Variants in FOXO1 observed in about 807,000 individuals in gnomAD.
The protein encoded by FOXO1 is forkhead box O1.
Under a neutral mutation model 44.1 loss-of-function variants are expected in FOXO1, and 6 were observed. That is an observed-to-expected ratio of 0.14 (90% CI 0.07 to 0.27). The LOEUF (loss-of-function observed/expected upper bound fraction) is 0.27, where lower values mean the gene tolerates loss of function less well. FOXO1 is among the 10% of genes least tolerant of loss of function. The pLI is 1.00. For missense variants in FOXO1, 737 were observed against 888.8 expected, an observed-to-expected ratio of 0.83 and a Z score of 2.17; for synonymous variants, 380 against 362.7, an observed-to-expected ratio of 1.05 and a Z score of -0.54.
intron 1 of FOXO1, among the ~76,000 whole-genome samples, chr13:40,652,870 C>A (rs1388504837): frequency 6.6e-6 from 1 of 152,268 alleles, no homozygotes; most frequent in East Asian, 1.9e-4. Context: ...GGTTATTTTG[C>A]TTTCAAGCTT....
chr13:40,619,636 A>C, intron 1 of FOXO1: 2 of 1,546,824 alleles, frequency 1.3e-6, no homozygotes. Flanking sequence ...TAGGCGAACA[A>C]GAAGCCAAAC....
intron 1 of FOXO1, among the ~76,000 whole-genome samples, chr13:40,579,620 A>AG (rs1236506249): frequency 6.6e-6 from 1 of 151,308 alleles, no homozygotes; most frequent in Non-Finnish European, 1.5e-5. Flanking sequence ...TGAAAAAAAA[A>AG]GGGGGCGGGG....
chr13:40,614,618 G>A (rs923939863), intron 1 of FOXO1, among the ~76,000 whole-genome samples: 2 of 152,204 alleles, frequency 1.3e-5, no homozygotes, highest in Non-Finnish European at 2.9e-5. Context: ...TGGCCCTGCA[G>A]AGAAGAAAGC....
chr13:40,590,345 A>C (rs1875322484), intron 1 of FOXO1, among the ~76,000 whole-genome samples: 1 of 152,224 alleles, frequency 6.6e-6, no homozygotes, highest in South Asian at 2.1e-4. Context: ...TGCCGCAAAC[A>C]GAAACCTTCT....
At chr13:40,559,348 ACT>A (rs1479582337) in intron 2 of FOXO1, among the ~76,000 whole-genome samples, 159 bp downstream of exon 2, 1 of 152,212 alleles carries the variant, frequency 6.6e-6, no homozygotes, top group Non-Finnish European at 1.5e-5. Context: ...CAGAAGGAAA[ACT>A]GTAAGCTGCA....
At chr13:40,567,595 A>G (rs1447732802) in intron 1 of FOXO1, among the ~76,000 whole-genome samples, 1 of 152,186 alleles carries the variant, frequency 6.6e-6, no homozygotes, top group African/African-American at 2.4e-5. Context: ...GGCTGAGGTT[A>G]CTTGTGTGCA....
chr13:40,586,772 T>C (rs1376537968), intron 1 of FOXO1, among the ~76,000 whole-genome samples: 1 of 152,172 alleles, frequency 6.6e-6, no homozygotes, highest in Non-Finnish European at 1.5e-5. Context: ...TGCCCCTCTG[T>C]CTTTCCTCTC....
Position 40,558,554 on chromosome 13 carries a change from C to T in FOXO1, c.*495G>A, listed in dbSNP as rs548128955. On this transcript the variant is annotated 3_prime_UTR_variant, in exon 3 of 3. Coordinates refer to ENST00000379561, the MANE Select transcript of FOXO1 (RefSeq NM_002015.4). ...AATGGAGATTCAGTTCTTTGTGATCCGTCAGTTCCGCAGAAAACAGGTAGT... is the reference window on the plus strand; with the variant it reads ...AATGGAGATTCAGTTCTTTGTGATCTGTCAGTTCCGCAGAAAACAGGTAGT... 1.7e-4 allele frequency: 46 copies of T among 271,240 alleles called. 1 individual carries two copies. The highest frequency in any genetic ancestry group is 1.7e-3 in the Admixed American group (32 of 18,936). The allele number at this position is 271,240 out of a possible 1,614,324, so 16.8% of individuals were successfully genotyped here. A position where few individuals can be genotyped will look rare whatever the true frequency, so the allele number is the denominator to read the frequency against.
In FOXO1 at chr13:40,666,217, A is replaced by T; in HGVS notation, c.-5T>A. On this transcript the variant is annotated 5_prime_UTR_variant, in exon 1 of 3. Transcript: ENST00000379561. Reference sequence around the variant, plus strand: ...CACCTGAGGCGCCTCGGCCATGGTGACCCCCGCCCCTCCCCCAGCCGCAGG... The same window carrying T: ...CACCTGAGGCGCCTCGGCCATGGTGTCCCCCGCCCCTCCCCCAGCCGCAGG... 7.1e-7 allele frequency: 1 copy of T among 1,402,694 alleles called. No individual in the cohort carries two copies. The highest frequency in any genetic ancestry group is 9.3e-7 in the Non-Finnish European group (1 of 1,079,094). 86.9% of individuals were successfully genotyped at this position (1,402,694 alleles called of 1,614,324 possible).
intron 1 of FOXO1, among the ~76,000 whole-genome samples, chr13:40,585,461 G>C (rs945576036): frequency 1.1e-4 from 17 of 152,244 alleles, no homozygotes; most frequent in African/African-American, 3.9e-4. Flanking sequence ...CACTATTCCA[G>C]AGCACAGCCT....
At chr13:40,606,301 CTTTT>C (rs1474686045) in intron 1 of FOXO1, among the ~76,000 whole-genome samples, 3 of 152,036 alleles carry the variant, frequency 2.0e-5, no homozygotes, top group African/African-American at 4.8e-5. Context: ...TTCTTTCTTT[CTTTT>C]TCTTTCTTTC....
At chr13:40,569,800 T>TG (rs919034410) in intron 1 of FOXO1, among the ~76,000 whole-genome samples, 5 of 152,138 alleles carry the variant, frequency 3.3e-5, no homozygotes, top group Non-Finnish European at 7.3e-5. Context: ...TTAAATAGAT[T>TG]GGGTTTTGCT....
intron 1 of FOXO1, among the ~76,000 whole-genome samples, chr13:40,595,958 T>TG (rs398022454): frequency 6.6e-6 from 1 of 150,962 alleles, no homozygotes; most frequent in Non-Finnish European, 1.5e-5. Flanking sequence ...TTTTTTTTTT[T>TG]GCGGGAAGGA....
intron 1 of FOXO1, among the ~76,000 whole-genome samples, chr13:40,584,987 G>A (rs1875102142): frequency 6.6e-6 from 1 of 152,100 alleles, no homozygotes; most frequent in Non-Finnish European, 1.5e-5. Context: ...GTTATTCCAG[G>A]TAGATTCTGA....
intron 1 of FOXO1, among the ~76,000 whole-genome samples, chr13:40,638,496 T>C (rs1034665770): frequency 1.3e-5 from 2 of 151,902 alleles, no homozygotes; most frequent in Admixed American, 1.3e-4. Flanking sequence ...GAAAAGTAAA[T>C]AGAATTCTGC....
chr13:40,649,964 C>T (rs1426552654), intron 1 of FOXO1, among the ~76,000 whole-genome samples: 1 of 152,152 alleles, frequency 6.6e-6, no homozygotes. Context: ...GGATCTCCCA[C>T]AAGGAAGAAT....
chr13:40,564,889 A>G lies in FOXO1; in HGVS notation c.631-4029T>C, dbSNP rs548984025. 5.9e-5 allele frequency among the ~76,000 whole-genome samples: 9 copies of G among 152,166 alleles called. 1 individual carries two copies. Among genetic ancestry groups the G allele is most frequent in the African/African-American group, 2.2e-4 (9 of 41,484 alleles). On this transcript the variant is annotated intron_variant, in intron 1 of 2. Transcript: ENST00000379561. ...GCCATCTGCATGCCTGGCCACCCCA[A>G]GCAGTGCAGCATGTGCTTCCTGGGA...
At chr13:40,584,810 C>T (rs912302246) in intron 1 of FOXO1, among the ~76,000 whole-genome samples, 1 of 152,236 alleles carries the variant, frequency 6.6e-6, no homozygotes, top group African/African-American at 2.4e-5. Context: ...TCTAATGGTC[C>T]GACTCTTCTA....
At chr13:40,611,542 A>G (rs1876231613) in intron 1 of FOXO1, among the ~76,000 whole-genome samples, 1 of 152,232 alleles carries the variant, frequency 6.6e-6, no homozygotes, top group African/African-American at 2.4e-5. Flanking sequence ...TCCTTGAAAC[A>G]GTGATGCAGA....
Sources: allele counts gnomAD v4.1 joint callset (sites outside exome capture counted in the v4.1 genomes callset), GRCh38; gene constraint gnomAD v4.1.1; transcripts MANE v1.5; gene names NCBI Gene and HGNC (gene_info 2026-07-23, HGNC 2026-07-21).